Variants in ZBED6 observed in about 807,000 individuals in gnomAD.
ZBED6 encodes zinc finger BED-type containing 6.
Under a neutral mutation model 58.4 loss-of-function variants are expected in ZBED6, and 40 were observed. The ratio of observed to expected loss-of-function variants is 0.68; its 90% CI spans 0.53 to 0.89. The LOEUF is 0.89. ZBED6 is among the 40% of genes least tolerant of loss of function. The pLI, the probability that ZBED6 is intolerant of heterozygous loss-of-function variation, is 0.00. For missense variants in ZBED6, 1,057 were observed against 1,003.9 expected, an observed-to-expected ratio of 1.05 and a Z score of -0.71; for synonymous variants, 439 against 350.6, an observed-to-expected ratio of 1.25 and a Z score of -2.82.
chr1:203,829,012 C>T (rs192601171), intron 4 of ZBED6, among the ~76,000 whole-genome samples: 9 of 152,234 alleles, frequency 5.9e-5, no homozygotes, highest in South Asian at 2.1e-4. Context: ...ACAGTTGCTA[C>T]GTGATTAAAA....
At chr1:203,836,763 G>A (rs996717579) in intron 9 of ZBED6, among the ~76,000 whole-genome samples, 2 of 152,006 alleles carry the variant, frequency 1.3e-5, no homozygotes, top group African/African-American at 4.8e-5. Context: ...GCGAAAGAAT[G>A]AGACTCCGTC....
At chr1:203,804,689 T>C (rs1359442399) in intron 1 of ZBED6, among the ~76,000 whole-genome samples, 1 of 145,444 alleles carries the variant, frequency 6.9e-6, no homozygotes, top group Non-Finnish European at 1.5e-5. Flanking sequence ...TTTTTTTTTT[T>C]GATATGGAGT....
chr1:203,831,695 C>T, exon 8 of ZBED6: 1 of 1,613,170 alleles, frequency 6.2e-7, no homozygotes, highest in Non-Finnish European at 8.5e-7. Context: ...TTTTACTCCA[C>T]CCTGAGCCCG....
intron 1 of ZBED6, among the ~76,000 whole-genome samples, chr1:203,810,204 G>C (rs2102620845): frequency 6.6e-6 from 1 of 151,138 alleles, no homozygotes; most frequent in South Asian, 2.1e-4. Context: ...TTGAACTCCT[G>C]GTCTCAAGTG....
intron 13 of ZBED6, among the ~76,000 whole-genome samples, chr1:203,849,206 A>G (rs1166460357): frequency 3.9e-5 from 6 of 152,182 alleles, no homozygotes; most frequent in Non-Finnish European, 4.4e-5. Flanking sequence ...TTTTGTTTAT[A>G]TATGCATGCA....
chr1:203,848,465 T>C, intron 13 of ZBED6, 58 bp downstream of exon 13: 1 of 1,310,028 alleles, frequency 7.6e-7, no homozygotes, highest in Non-Finnish European at 1.1e-6. Flanking sequence ...AGATAATTGG[T>C]AGTTTTACCT....
chr1:203,819,303 C>T (rs1421251033), intron 3 of ZBED6, among the ~76,000 whole-genome samples: 3 of 150,120 alleles, frequency 2.0e-5, no homozygotes, highest in African/African-American at 7.4e-5. Flanking sequence ...CTTACTGCAA[C>T]CTCCACCTCC....
At chr1:203,805,096 A>G (rs1274358812) in intron 1 of ZBED6, among the ~76,000 whole-genome samples, 1 of 151,892 alleles carries the variant, frequency 6.6e-6, no homozygotes, top group Non-Finnish European at 1.5e-5. Flanking sequence ...AAGATGTAGT[A>G]TTAAGGAAAC....
chr1:203,834,776 A>G (rs1683696142), intron 9 of ZBED6, among the ~76,000 whole-genome samples: 1 of 152,054 alleles, frequency 6.6e-6, no homozygotes, highest in Non-Finnish European at 1.5e-5. Context: ...CAGCCTCTCA[A>G]GTAGCTGGGA....
At chr1:203,820,803 C>T (rs1056949162) in intron 3 of ZBED6, among the ~76,000 whole-genome samples, 3 of 152,028 alleles carry the variant, frequency 2.0e-5, no homozygotes, top group Non-Finnish European at 4.4e-5. Context: ...CATATCATCC[C>T]GTGGCACACA....
At chr1:203,854,036 G>A (rs1689731846) in exon 17 of ZBED6, 3 of 152,672 alleles carry the variant, frequency 2.0e-5, no homozygotes, top group South Asian at 4.1e-4. Flanking sequence ...ATTAGTCAAT[G>A]TTTCGTGTTC....
chr1:203,849,890 G>A (rs756302658), exon 14 of ZBED6: 1 of 1,614,084 alleles, frequency 6.2e-7, no homozygotes, highest in Non-Finnish European at 8.5e-7. Context: ...TCACTGCTGT[G>A]CCAGGAATCA....
At chr1:203,821,284 G>C (rs1678596229) in intron 3 of ZBED6, among the ~76,000 whole-genome samples, 1 of 152,018 alleles carries the variant, frequency 6.6e-6, no homozygotes, top group African/African-American at 2.4e-5. Flanking sequence ...AGCCTCCCCA[G>C]CCATGCAGAA....
At chr1:203,851,789 C>G (rs1689339209) in intron 16 of ZBED6, among the ~76,000 whole-genome samples, 1 of 150,912 alleles carries the variant, frequency 6.6e-6, no homozygotes, top group Non-Finnish European at 1.5e-5. Flanking sequence ...ATAGTGAGGT[C>G]TTGTCTCTAA....
At chr1:203,803,257 T>A (rs1671076223) in intron 1 of ZBED6, among the ~76,000 whole-genome samples, 1 of 152,146 alleles carries the variant, frequency 6.6e-6, no homozygotes, top group African/African-American at 2.4e-5. Context: ...AATGGTGCCA[T>A]CTTGGCTCAC....
intron 1 of ZBED6, among the ~76,000 whole-genome samples, chr1:203,813,971 GT>G (rs34130261): frequency 0.86 from 125,261 of 146,140 alleles, 53,615 homozygotes; most frequent in East Asian, 0.98. Flanking sequence ...ATACATTCTT[GT>G]TTTTTTTTTT....
chr1:203,848,855 T>C (rs549573176), intron 13 of ZBED6, among the ~76,000 whole-genome samples: 3 of 152,330 alleles, frequency 2.0e-5, no homozygotes, highest in South Asian at 2.1e-4. Context: ...CCTAAAAATA[T>C]ACAGCTCAGA....
chr1:203,830,320 GA>G, intron 7 of ZBED6, 117 bp downstream of exon 7: 1 of 779,710 alleles, frequency 1.3e-6, no homozygotes, highest in Non-Finnish European at 2.1e-6. Flanking sequence ...TGGCCTGTTT[GA>G]AGTAAAACAC....
intron 1 of ZBED6, among the ~76,000 whole-genome samples, chr1:203,808,013 A>G (rs1180320555): frequency 7.2e-5 from 11 of 152,088 alleles, no homozygotes; most frequent in Admixed American, 7.2e-4. Flanking sequence ...AAGTGCTGGC[A>G]TTACGGATGT....
Sources: gnomAD v4.1 joint callset for allele counts (sites outside exome capture counted in the v4.1 genomes callset) on GRCh38, gnomAD v4.1.1 for gene constraint, MANE v1.5 for transcripts, NCBI Gene and HGNC (gene_info 2026-07-23, HGNC 2026-07-21) for gene names.